CNTNAP2: variants seen among roughly 807,000 people sequenced by gnomAD.
The protein encoded by CNTNAP2 is contactin-associated protein-like 2.
Under a neutral mutation model 155.2 loss-of-function variants are expected in CNTNAP2, and 98 were observed. The ratio of observed to expected loss-of-function variants is 0.63; its 90% CI spans 0.54 to 0.75. CNTNAP2 has a LOEUF of 0.75. CNTNAP2 is among the 30% of genes least tolerant of loss of function. The pLI, the probability that CNTNAP2 is intolerant of heterozygous loss-of-function variation, is 0.00. For synonymous variants in CNTNAP2, 651 were observed against 631.2 expected, an observed-to-expected ratio of 1.03 and a Z score of -0.47; for missense variants, 1,727 against 1,688.1, an observed-to-expected ratio of 1.02 and a Z score of -0.40.
chr7:146,745,524 T>C (rs1337594502), intron 1 of CNTNAP2, among the ~76,000 whole-genome samples: 1 of 152,074 alleles, frequency 6.6e-6, no homozygotes, highest in Non-Finnish European at 1.5e-5. Context: ...ATCCCAGCAC[T>C]TTGGGAGGCC....
At chr7:146,400,208 C>G (rs1486003868) in intron 1 of CNTNAP2, among the ~76,000 whole-genome samples, 1 of 151,628 alleles carries the variant, frequency 6.6e-6, no homozygotes, top group Non-Finnish European at 1.5e-5. Flanking sequence ...TTCATGGAAA[C>G]TTCTAGAAGT....
chr7:147,469,455 G>T (rs1462412661), intron 10 of CNTNAP2, among the ~76,000 whole-genome samples: 1 of 150,290 alleles, frequency 6.7e-6, no homozygotes, highest in Non-Finnish European at 1.5e-5. Flanking sequence ...TTTTAGCAGA[G>T]GGAGTAAAAC....
chr7:146,786,484 C>T (rs1370839865), intron 2 of CNTNAP2, among the ~76,000 whole-genome samples: 1 of 152,092 alleles, frequency 6.6e-6, no homozygotes. Flanking sequence ...AAAATTGTCA[C>T]TAATAAGAAT....
intron 1 of CNTNAP2, among the ~76,000 whole-genome samples, chr7:146,175,315 G>A (rs149116439): frequency 1.2e-3 from 180 of 152,350 alleles, no homozygotes; most frequent in Non-Finnish European, 2.1e-3. Context: ...CACCAGGCAA[G>A]AAGGCTAAGA....
intron 13 of CNTNAP2, among the ~76,000 whole-genome samples, chr7:147,686,854 T>C (rs933935460): frequency 2.7e-5 from 4 of 148,818 alleles, no homozygotes; most frequent in Non-Finnish European, 5.9e-5. Context: ...AGAGGGATAG[T>C]GTAAAAAAAA....
intron 11 of CNTNAP2, among the ~76,000 whole-genome samples, chr7:147,537,475 C>T (rs1020383888): frequency 1.3e-5 from 2 of 151,964 alleles, no homozygotes; most frequent in Non-Finnish European, 2.9e-5. Flanking sequence ...TACCTATTCT[C>T]AATGTAAATG....
intron 18 of CNTNAP2, among the ~76,000 whole-genome samples, chr7:148,194,768 A>G (rs568598326): frequency 6.6e-6 from 1 of 152,138 alleles, no homozygotes; most frequent in African/African-American, 2.4e-5. Context: ...AAAAGAGACA[A>G]CTTACCCTTC....
chr7:146,308,467 C>T (rs1397793411), intron 1 of CNTNAP2, among the ~76,000 whole-genome samples: 1 of 152,106 alleles, frequency 6.6e-6, no homozygotes, highest in African/African-American at 2.4e-5. Flanking sequence ...ACCCAGCCAT[C>T]CCATTACTGC....
chr7:148,368,144 G>GAT (rs1240744121), intron 21 of CNTNAP2, among the ~76,000 whole-genome samples: 4 of 152,310 alleles, frequency 2.6e-5, no homozygotes, highest in Non-Finnish European at 5.9e-5. Context: ...GCCTGGCTCA[G>GAT]ATTAGCTTTG....
chr7:147,407,606 T>C (rs896326844), intron 10 of CNTNAP2, among the ~76,000 whole-genome samples: 5 of 149,894 alleles, frequency 3.3e-5, no homozygotes, highest in African/African-American at 7.3e-5. Context: ...AACTACACAA[T>C]GAGAAAACCA....
chr7:148,390,989 A>G (rs985619755), intron 22 of CNTNAP2, among the ~76,000 whole-genome samples: 1 of 152,180 alleles, frequency 6.6e-6, no homozygotes, highest in African/African-American at 2.4e-5. Context: ...AAGCAAATAG[A>G]CATGGCCTCG....
chr7:147,925,248 AC>A (rs1214429707), intron 14 of CNTNAP2, among the ~76,000 whole-genome samples: 1 of 146,424 alleles, frequency 6.8e-6, no homozygotes, highest in Non-Finnish European at 1.5e-5. Context: ...AGTACCCCCT[AC>A]CCCCTACACA....
chr7:147,360,621 C>T (rs969246439), intron 9 of CNTNAP2, among the ~76,000 whole-genome samples: 2 of 152,050 alleles, frequency 1.3e-5, no homozygotes, highest in East Asian at 1.9e-4. Context: ...TTCCTTTCTA[C>T]CATAAATATT....
intron 3 of CNTNAP2, among the ~76,000 whole-genome samples, chr7:146,897,128 C>G (rs145354026): frequency 4.4e-4 from 67 of 152,224 alleles, no homozygotes; most frequent in Admixed American, 2.4e-3. Flanking sequence ...AAACGTCACT[C>G]TTACTCTCTG....
chr7:146,746,347 G>C (rs973274858), intron 1 of CNTNAP2, among the ~76,000 whole-genome samples: 1 of 152,052 alleles, frequency 6.6e-6, no homozygotes, highest in Non-Finnish European at 1.5e-5. Context: ...ATTAAAGCAT[G>C]ATTTATATAT....
intron 1 of CNTNAP2, among the ~76,000 whole-genome samples, chr7:146,745,501 G>T (rs1418276271): frequency 6.6e-6 from 1 of 152,074 alleles, no homozygotes; most frequent in African/African-American, 2.4e-5. Flanking sequence ...TGTTAAGGCG[G>T]CTGGGCGCGG....
chr7:146,754,868 A>G (rs547926175), intron 1 of CNTNAP2, among the ~76,000 whole-genome samples: 8 of 152,076 alleles, frequency 5.3e-5, no homozygotes, highest in Admixed American at 4.6e-4. Context: ...TTTCTTCCTT[A>G]GCATTTAGTC....
intron 15 of CNTNAP2, among the ~76,000 whole-genome samples, chr7:148,018,154 T>C (rs1025536050): frequency 2.6e-5 from 4 of 152,206 alleles, no homozygotes; most frequent in African/African-American, 9.7e-5. Context: ...GTACCTGCAA[T>C]TTCTGACACC....
At chr7:148,165,163 G>T (rs1420858080) in intron 17 of CNTNAP2, among the ~76,000 whole-genome samples, 2 of 152,132 alleles carry the variant, frequency 1.3e-5, no homozygotes, top group African/African-American at 4.8e-5. Flanking sequence ...TGTCCGTAGG[G>T]TTGCTTTCTT....
Sources: allele counts gnomAD v4.1 joint callset (sites outside exome capture counted in the v4.1 genomes callset), GRCh38; gene constraint gnomAD v4.1.1; transcripts MANE v1.5; gene names NCBI Gene and HGNC (gene_info 2026-07-23, HGNC 2026-07-21).